PPM1J: variants seen among roughly 807,000 people sequenced by gnomAD.
PPM1J encodes the protein protein phosphatase 1J.
PPM1J carries 43 observed loss-of-function variants against 53.3 expected under a neutral mutation model. The ratio of observed to expected loss-of-function variants is 0.81; its 90% confidence interval spans 0.63 to 1.04. The LOEUF (loss-of-function observed/expected upper bound fraction) is 1.04, where lower values mean the gene tolerates loss of function less well. PPM1J is among the 50% of genes least tolerant of loss of function. PPM1J has a pLI of 0.00. For synonymous variants in PPM1J, 267 were observed against 286.4 expected (o/e 0.93, Z 0.68); for missense variants, 635 against 685.9 (o/e 0.93, Z 0.83).
At chr1:112,711,836 A>G (rs1675069787) in intron 5 of PPM1J, 135 bp downstream of exon 5, 1 of 635,000 alleles carries the variant, frequency 1.6e-6, no homozygotes, top group Admixed American at 2.9e-5. Flanking sequence ...CGCACTCCAT[A>G]GTCCACACAG....
intron 6 of PPM1J, 31 bp downstream of exon 6, chr1:112,711,235 G>A (rs780345688): frequency 1.9e-6 from 3 of 1,555,290 alleles, no homozygotes; most frequent in East Asian, 2.2e-5. Flanking sequence ...GTTGCCATGG[G>A]AACGGGCCCC....
chr1:112,713,122 T>C (rs1332766072), intron 2 of PPM1J, 91 bp from the exon 3 acceptor site: 6 of 1,194,500 alleles, frequency 5.0e-6, no homozygotes, highest in Non-Finnish European at 5.8e-6. Flanking sequence ...AACAAGACTC[T>C]GGGCATCCAT....
At chr1:112,710,673 G>T in intron 8 of PPM1J, 62 bp from the exon 9 acceptor site, 2 of 1,613,358 alleles carry the variant, frequency 1.2e-6, no homozygotes, top group East Asian at 4.5e-5. Flanking sequence ...GGAGCTTGGA[G>T]ATAAAGGGAC....
chr1:112,712,828 G>A lies in PPM1J; in HGVS notation c.645C>T (p.Gly215=), dbSNP rs2101482414. The change falls in exon 3 of 10, where the codon GGC becomes GGT. Residue 215 remains glycine, a synonymous_variant. Coordinates refer to ENST00000309276, the MANE Select transcript of PPM1J (RefSeq NM_005167.7). Reference sequence around the variant, plus strand: ...TCTGTGAAGACCAGCAGGACTGAGGGCCAAGCAAGTGAGAGGGATCGGAGG... The same window carrying A: ...TCTGTGAAGACCAGCAGGACTGAGGACCAAGCAAGTGAGAGGGATCGGAGG... ...PDSSDPSHLL[G]PQSCWSSQKE... is the part of the protein sequence containing the mutation. 1 of 1,613,634 alleles carries A rather than the reference G, an allele frequency of 6.2e-7. No homozygotes were observed. Among genetic ancestry groups the A allele is most frequent in the Non-Finnish European group, 8.5e-7 (1 of 1,180,008 alleles).
intron 4 of PPM1J, 126 bp downstream of exon 4, chr1:112,712,219 A>G: frequency 1.1e-6 from 1 of 947,026 alleles, no homozygotes; most frequent in Non-Finnish European, 1.6e-6. Context: ...GCCACTCCTT[A>G]TGTCTGTCAC....
intron 1 of PPM1J, chr1:112,714,108 A>G (rs1675136953): frequency 9.9e-7 from 1 of 1,013,148 alleles, no homozygotes; most frequent in Middle Eastern, 5.0e-4. Flanking sequence ...AACAATGAGG[A>G]AGCTCTCCAG....
In PPM1J at chr1:112,713,494, T is replaced by C; in HGVS notation, c.441+3A>G. The C allele has an allele frequency of 6.2e-7, 1 of 1,605,342 alleles. No individual in the cohort carries two copies. Among genetic ancestry groups the C allele is most frequent in the South Asian group, 1.1e-5 (1 of 90,882 alleles). ...TGTCTCTGGGAAAGGGGATGGGTCT[T>C]ACCTGGCCTCGGCTAGGCTCCCTAG... On this transcript the variant is annotated splice_donor_region_variant and intron_variant, in intron 2 of 9. Coordinates refer to ENST00000309276, the MANE Select transcript of PPM1J (RefSeq NM_005167.7).
In PPM1J at chr1:112,710,619, G is replaced by C; in HGVS notation, c.1219-8C>G. 1 of 1,614,138 alleles carries C rather than the reference G, an allele frequency of 6.2e-7. No individual in the cohort carries two copies. On this transcript the variant is annotated splice_region_variant and splice_polypyrimidine_tract_variant and intron_variant, in intron 8 of 9. Coordinates refer to ENST00000309276, the MANE Select transcript of PPM1J (RefSeq NM_005167.7). ...CAGGTCATACACTCGTACCTGGTGG[G>C]AGAAAAGGGCAGAGAGGATTGAGGT... is the stretch of plus-strand genomic sequence containing the variant.
chr1:112,715,067 C>A lies in PPM1J; in HGVS notation c.235G>T (p.Gly79Trp). Residue 79 changes from glycine to tryptophan, a missense_variant, in exon 1 of 10, where the codon GGG becomes TGG. By Grantham distance (184) the Gly-to-Trp change is radical (BLOSUM62 -2). Transcript: ENST00000309276. The surrounding 1 kb of genome is among the most constrained non-coding windows in gnomAD (Gnocchi z 4.4). ...RPTFLQLSPG[G>W]LRRADDHAGR... ...GCGTGGTCATCGGCGCGTCGCAGCCCCCCGGGGCTCAGCTGCAGAAAGGTC... is the reference window on the plus strand; with the variant it reads ...GCGTGGTCATCGGCGCGTCGCAGCCACCCGGGGCTCAGCTGCAGAAAGGTC... 1 of 1,548,794 alleles carries A rather than the reference C, an allele frequency of 6.5e-7. No individual in the cohort carries two copies. The highest frequency in any genetic ancestry group is 2.6e-5 in the East Asian group (1 of 39,162).
In PPM1J at chr1:112,712,463, A is replaced by C; in HGVS notation, c.730-6T>G. On this transcript the variant is annotated splice_region_variant and splice_polypyrimidine_tract_variant and intron_variant, in intron 3 of 9. Coordinates refer to ENST00000309276, the MANE Select transcript of PPM1J (RefSeq NM_005167.7). Reference sequence around the variant, plus strand: ...TCCCGGGCCATCTGCTCATCCTGCCACATAAGGAAGGGTCAGAGGTGGGTA... The same window carrying C: ...TCCCGGGCCATCTGCTCATCCTGCCCCATAAGGAAGGGTCAGAGGTGGGTA... 6.2e-7 allele frequency: 1 copy of C among 1,612,224 alleles called. No homozygotes were observed. The highest frequency in any genetic ancestry group is 8.5e-7 in the Non-Finnish European group (1 of 1,178,716).
chr1:112,714,774 A>C (rs1228080050), intron 1 of PPM1J: 14 of 1,263,862 alleles, frequency 1.1e-5, no homozygotes, highest in African/African-American at 1.6e-5. Flanking sequence ...AAGGACGTGA[A>C]GAAGGTGACA....
Position 112,710,288 on chromosome 1 carries a change from G to C in PPM1J, c.1393C>G (p.Leu465Val), listed in dbSNP as rs1359415469. The C allele has an allele frequency of 2.5e-6, 4 of 1,609,856 alleles. No homozygotes were observed. The highest frequency in any genetic ancestry group is 1.1e-5 in the South Asian group (1 of 90,724). Residue 465 changes from leucine (L) to valine (V), a missense_variant, in exon 10 of 10, where the codon CTG (leucine) becomes GTG (valine). Physicochemically the swap from Leu to Val is conservative, Grantham distance 32 (BLOSUM62 1). Coordinates refer to ENST00000309276, the MANE Select transcript of PPM1J (RefSeq NM_005167.7). ...HSRYTALAQALVLGARGTPRD... is the reference protein window; with the variant it reads ...HSRYTALAQAVVLGARGTPRD... ...GGGGTACCCCGGGCCCCCAGGACCA[G>C]AGCTTGGGCCAGAGCTGTATACCTG... is the stretch of plus-strand genomic sequence containing the variant.
chr1:112,712,013 C>G lies in PPM1J; in HGVS notation c.885G>C (p.Arg295=). The G allele has an allele frequency of 6.2e-7, 1 of 1,611,024 alleles. No homozygotes were observed. ...VRNGEIIPMS[R]EFTPETERQR... ...GGCGCTCAGTCTCCGGGGTAAACTC[C>G]CGGGACATTGGAATGATTTCACCAT... is the stretch of plus-strand genomic sequence containing the variant. Residue 295 remains arginine (R), a synonymous_variant, in exon 5 of 10, where the codon CGG becomes CGC. Coordinates refer to ENST00000309276, the MANE Select transcript of PPM1J (RefSeq NM_005167.7).
chr1:112,712,297 C>A, intron 4 of PPM1J, 48 bp downstream of exon 4: 1 of 1,413,394 alleles, frequency 7.1e-7, no homozygotes, highest in Non-Finnish European at 9.8e-7. Context: ...TCCCCCAACT[C>A]AGAGAGTGTG....
rs759671520 is a variant in PPM1J, at chr1:112,713,516, CTAGGTACTCCTG to C, written c.410_421del (p.Thr137_Pro140del). 3 of 1,613,700 alleles carry C rather than the reference CTAGGTACTCCTG, an allele frequency of 1.9e-6. No individual in the cohort carries two copies. In the Admixed American group the frequency reaches 5.0e-5, roughly 27 times the overall value. ...TCTTACCTGGCCTCGGCTAGGCTCC[CTAGGTACTCCTG>C]TAACACTCCTCCGACCTTCCACATA... On this transcript the variant is annotated inframe_deletion, in exon 2 of 10. Coordinates refer to ENST00000309276, the MANE Select transcript of PPM1J (RefSeq NM_005167.7).
rs1455603342 is a variant in PPM1J at position 112,712,898 on chromosome 1, G to A, written c.575C>T (p.Ser192Leu). Residue 192 changes from serine (S) to leucine (L), a missense_variant, in exon 3 of 10, where the codon TCG (serine) becomes TTG (leucine). By Grantham distance (145) the Ser-to-Leu change is moderately radical. Transcript: ENST00000309276. Reference sequence around the variant, plus strand: ...GGTTGGGAGGCAGAGGGGTGGTGGCGAAGGGTCCTGAAGTATCTCTACCAG... The same window carrying A: ...GGTTGGGAGGCAGAGGGGTGGTGGCAAAGGGTCCTGAAGTATCTCTACCAG... ...KDLVEILQDP[S>L]PPPLCLPTTP... 6 of 1,613,882 alleles carry A rather than the reference G, an allele frequency of 3.7e-6. No homozygotes were observed. Among genetic ancestry groups the A allele is most frequent in the African/African-American group, 2.7e-5 (2 of 74,912 alleles).
At chr1:112,712,301 G>A (rs893244127) in intron 4 of PPM1J, 44 bp downstream of exon 4, 42 of 1,421,658 alleles carry the variant, frequency 3.0e-5, no homozygotes, top group Non-Finnish European at 3.3e-5. Flanking sequence ...CCAACTCAGA[G>A]AGTGTGGCCC....
In PPM1J at chr1:112,710,994, A is replaced by G. The variant is rs777011970; in HGVS notation, c.1110+14T>C. On this transcript the variant is annotated intron_variant, in intron 7 of 9. Transcript: ENST00000309276. ...GGTCCTCCTCCCCTCTCCCACCTCTACCATGGAGTTTACCTTTTTGCCCTC... is the reference window on the plus strand; with the variant it reads ...GGTCCTCCTCCCCTCTCCCACCTCTGCCATGGAGTTTACCTTTTTGCCCTC... 1.7e-5 allele frequency: 28 copies of G among 1,610,196 alleles called. No individual in the cohort carries two copies. The highest frequency in any genetic ancestry group is 2.2e-5 in the Non-Finnish European group (26 of 1,176,722).
At position 112,712,470 on chromosome 1, in the gene PPM1J, G is replaced by C. The variant is rs145452690; in HGVS notation, c.730-13C>G. ...CCATCTGCTCATCCTGCCACATAAG[G>C]AAGGGTCAGAGGTGGGTAGAAGGAG... On this transcript the variant is annotated splice_polypyrimidine_tract_variant and intron_variant, in intron 3 of 9. Transcript: ENST00000309276. 9 of 1,609,394 alleles carry C rather than the reference G, an allele frequency of 5.6e-6. No individual in the cohort carries two copies. Among genetic ancestry groups the C allele is most frequent in the Non-Finnish European group, 7.7e-6 (9 of 1,176,288 alleles).
Sources: allele counts gnomAD v4.1 joint callset, GRCh38; gene constraint gnomAD v4.1.1; non-coding constraint Gnocchi (gnomAD v3.1); transcripts MANE v1.5; gene names NCBI Gene and HGNC (gene_info 2026-07-23, HGNC 2026-07-21).